The following ABHD16A variants were observed in gnomAD, a reference collection of about 807,000 sequenced individuals.
ABHD16A encodes the protein abhydrolase domain containing 16A, phospholipase.
Under a neutral mutation model 89.8 loss-of-function variants are expected in ABHD16A, and 47 were observed. The observed-to-expected ratio is 0.52, with a 90% CI of 0.41 to 0.67. ABHD16A has a LOEUF of 0.67. ABHD16A is among the 30% of genes least tolerant of loss of function. ABHD16A has a pLI of 0.00. For synonymous variants in ABHD16A, 251 were observed against 280.4 expected (o/e 0.90, Z 1.05); for missense variants, 580 against 734.6 (o/e 0.79, Z 2.43).
intron 2 of ABHD16A, 117 bp downstream of exon 2, chr6:31,701,957 G>A (rs1371329264): frequency 1.8e-6 from 2 of 1,109,048 alleles, no homozygotes; most frequent in Non-Finnish European, 2.7e-6. Flanking sequence ...GTCTGCTGCA[G>A]AGCCCAGGGC....
In ABHD16A at chr6:31,697,008, C is replaced by G; in HGVS notation, c.369G>C (p.Gln123His). 1 of 1,613,048 alleles carries G rather than the reference C, an allele frequency of 6.2e-7. No homozygotes were observed. The highest frequency in any genetic ancestry group is 1.1e-5 in the South Asian group (1 of 91,084). The change falls in exon 5 of 20, where the codon CAG (glutamine) becomes CAC (histidine). Residue 123 changes from glutamine (Q) to histidine (H), a missense_variant. This residue lies in a region of ABHD16A where 165 missense variants were observed against 165.8 expected (regional missense o/e 1.00). Transcript: ENST00000395952. ...CCAAGATGGTGATGAACTGCCGGTA[C>G]TGGGGGTTGGTCCAGCGGCCAATGC... Reference protein sequence around the residue: ...LRGIGRWTNPQYRQFITILEA... With the variant: ...LRGIGRWTNPHYRQFITILEA...
chr6:31,694,467 T>A (rs1251374905), intron 5 of ABHD16A, among the ~76,000 whole-genome samples: 1 of 141,712 alleles, frequency 7.1e-6, no homozygotes, highest in Non-Finnish European at 1.5e-5. Flanking sequence ...CTCGGATCAC[T>A]GCAAGCTCTG....
chr6:31,687,802 G>A lies in ABHD16A; in HGVS notation c.1447+22C>T. 1 of 1,612,940 alleles carries A rather than the reference G, an allele frequency of 6.2e-7. No homozygotes were observed. The highest frequency in any genetic ancestry group is 8.5e-7 in the Non-Finnish European group (1 of 1,179,978). On this transcript the variant is annotated intron_variant, in intron 17 of 19. Coordinates refer to ENST00000395952, the MANE Select transcript of ABHD16A (RefSeq NM_021160.3). The surrounding 1 kb of genome is among the most constrained non-coding windows in gnomAD (Gnocchi z 6.3). ...TGACCTTGCTGGGCCCCCGCCCCAAGCCTCACTGGATCCCTTCTCACCTTC... is the reference window on the plus strand; with the variant it reads ...TGACCTTGCTGGGCCCCCGCCCCAAACCTCACTGGATCCCTTCTCACCTTC...
chr6:31,696,726 G>A (rs565119530), intron 5 of ABHD16A, among the ~76,000 whole-genome samples: 1 of 152,296 alleles, frequency 6.6e-6, no homozygotes, highest in African/African-American at 2.4e-5. Flanking sequence ...GATTGTTCTA[G>A]CAGAATATTC....
chr6:31,691,753 T>TGGGGGTGGGG, intron 8 of ABHD16A, 51 bp downstream of exon 8: 1 of 357,828 alleles, frequency 2.8e-6, no homozygotes, highest in Admixed American at 6.3e-5. Context: ...GCGGGGTGGG[T>TGGGGGTGGGG]GGGGGTGAGA....
In ABHD16A at chr6:31,688,398, C is replaced by G; in HGVS notation, c.1251-93G>C. On this transcript the variant is annotated intron_variant, in intron 14 of 19. Transcript: ENST00000395952. The surrounding 1 kb of genome is among the most constrained non-coding windows in gnomAD (Gnocchi z 4.9). ...TCCCTGCACTGGTAGCATTCTTACC[C>G]TCCCCTTGCTATAGCACAGCCCTTG... is the stretch of plus-strand genomic sequence containing the variant. 3 of 1,299,508 alleles carry G rather than the reference C, an allele frequency of 2.3e-6. No homozygotes were observed. Among genetic ancestry groups the G allele is most frequent in the Non-Finnish European group, 3.3e-6 (3 of 901,302 alleles). The allele number at this position is 1,299,508 out of a possible 1,614,324, so 80.5% of individuals were successfully genotyped here.
intron 2 of ABHD16A, 149 bp from the exon 3 acceptor site, chr6:31,701,489 C>G: frequency 1.5e-6 from 1 of 671,918 alleles, no homozygotes; most frequent in South Asian, 2.0e-5. Context: ...ACAGTAGGTG[C>G]TCAGTATTTG....
At chr6:31,694,498 C>T (rs963869235) in intron 5 of ABHD16A, among the ~76,000 whole-genome samples, 1 of 149,864 alleles carries the variant, frequency 6.7e-6, no homozygotes, top group African/African-American at 2.5e-5. Flanking sequence ...TCACGCCATT[C>T]TCCCGCCTCA....
Position 31,688,028 on chromosome 6 carries a change from C to G in ABHD16A, c.1370+13G>C. ...GTACACTGCCCCCAGCGCGCACACA[C>G]CCTGGCTCTCACCGATGCTGCAGGA... is the stretch of plus-strand genomic sequence containing the variant. On this transcript the variant is annotated intron_variant, in intron 16 of 19. Transcript: ENST00000395952. This position sits in a 1 kb window ranked among gnomAD's most constrained non-coding sequence, Gnocchi z 4.9. The G allele has an allele frequency of 6.2e-7, 1 of 1,612,150 alleles. No homozygotes were observed. Among genetic ancestry groups the G allele is most frequent in the Non-Finnish European group, 8.5e-7 (1 of 1,179,212 alleles).
Position 31,690,930 on chromosome 6 carries a change from T to C in ABHD16A, c.844-328A>G, listed in dbSNP as rs1378619129. On this transcript the variant is annotated intron_variant, in intron 9 of 19. Transcript: ENST00000395952. The surrounding 1 kb of genome is among the most constrained non-coding windows in gnomAD (Gnocchi z 4.1). Reference sequence around the variant, plus strand: ...CGGGTCTGTTATCTTCTGTGACCATTGCTATTGTGTGGTATGCTGATTGCT... The same window carrying C: ...CGGGTCTGTTATCTTCTGTGACCATCGCTATTGTGTGGTATGCTGATTGCT... Among the ~76,000 whole-genome samples the C allele has an allele frequency of 6.6e-6, 1 of 152,168 alleles. No individual in the cohort carries two copies. Among genetic ancestry groups the C allele is most frequent in the African/African-American group, 2.4e-5 (1 of 41,438 alleles).
intron 4 of ABHD16A, 70 bp downstream of exon 4, chr6:31,700,872 C>A: frequency 7.4e-7 from 1 of 1,347,820 alleles, no homozygotes; most frequent in Non-Finnish European, 1.1e-6. Flanking sequence ...AATGTATTTG[C>A]ACAAGGTACT....
intron 4 of ABHD16A, 77 bp downstream of exon 4, chr6:31,700,865 G>A: frequency 7.9e-7 from 1 of 1,263,560 alleles, no homozygotes; most frequent in East Asian, 2.3e-5. Flanking sequence ...TCACTAAAAT[G>A]TATTTGCACA....
chr6:31,693,740 G>A lies in ABHD16A; in HGVS notation c.430-308C>T, dbSNP rs953643812. 6.6e-6 allele frequency among the ~76,000 whole-genome samples: 1 copy of A among 152,200 alleles called. No individual in the cohort carries two copies. The highest frequency in any genetic ancestry group is 1.5e-5 in the Non-Finnish European group (1 of 68,034). ...CCAGGAGGAGTGGCTGAAGGTGCTA[G>A]TGCTTTTGAGTGACGGGTAGTAGGG... On this transcript the variant is annotated intron_variant, in intron 5 of 19. Coordinates refer to ENST00000395952, the MANE Select transcript of ABHD16A (RefSeq NM_021160.3). This position sits in a 1 kb window ranked among gnomAD's most constrained non-coding sequence, Gnocchi z 5.0.
In ABHD16A at chr6:31,688,737, C is replaced by T. The variant is rs75509151; in HGVS notation, c.1236G>A (p.Ala412=). The T allele has an allele frequency of 0.011, 17,376 of 1,612,990 alleles. 135 individuals are homozygous for T. The highest frequency in any genetic ancestry group is 0.035 in the East Asian group (1,564 of 44,878). The change falls in exon 14 of 20, where the codon GCG becomes GCA. Residue 412 remains alanine, a synonymous_variant. Coordinates refer to ENST00000395952, the MANE Select transcript of ABHD16A (RefSeq NM_021160.3). This position sits in a 1 kb window ranked among gnomAD's most constrained non-coding sequence, Gnocchi z 4.9. ...CCGGCCCTCACCTGCACAGCTGCTC[C>T]GCGTTGTTTAGATTGAGATGCTGCC... The part of the protein sequence containing the change: ...TVRQHLNLNN[A]EQLCRYQGPV...
At chr6:31,697,153 G>C (rs1686737919) in intron 4 of ABHD16A, 120 bp from the exon 5 acceptor site, 2 of 860,396 alleles carry the variant, frequency 2.3e-6, no homozygotes, top group South Asian at 1.5e-5. Context: ...GAAAGAAAAA[G>C]GAACTGAGGG....
Position 31,690,899 on chromosome 6 carries a change from C to T in ABHD16A, c.844-297G>A, listed in dbSNP as rs768927119. Among the ~76,000 whole-genome samples the T allele has an allele frequency of 2.0e-5, 3 of 152,124 alleles. No homozygotes were observed. Among genetic ancestry groups the T allele is most frequent in the Non-Finnish European group, 4.4e-5 (3 of 68,030 alleles). ...GACTATGGAGATGTTTTTCCTTTCT[C>T]GTTTTCGGGTCTGTTATCTTCTGTG... On this transcript the variant is annotated intron_variant, in intron 9 of 19. Transcript: ENST00000395952. The surrounding 1 kb of genome is among the most constrained non-coding windows in gnomAD (Gnocchi z 4.1).
In ABHD16A at chr6:31,692,192, ACTGTC is replaced by A. The variant is rs1308513864; in HGVS notation, c.627-279_627-275del. 1.5e-5 allele frequency: 6 copies of A among 394,902 alleles called. No individual in the cohort carries two copies. The East Asian group carries it at 2.2e-4, about 15-fold the overall frequency. The allele number at this position is 394,902 out of a possible 1,614,324, so 24.5% of individuals were successfully genotyped here. A position where few individuals can be genotyped will look rare whatever the true frequency, so the allele number is the denominator to read the frequency against. Reference sequence around the variant, plus strand: ...AGAATTCTGAGAGTTTTATGATGTAACTGTCTATACATAATAAGTAAATGCAAAGT... The same window carrying A: ...AGAATTCTGAGAGTTTTATGATGTAATATACATAATAAGTAAATGCAAAGT... On this transcript the variant is annotated intron_variant, in intron 7 of 19. Transcript: ENST00000395952.
intron 12 of ABHD16A, 64 bp from the exon 13 acceptor site, chr6:31,689,183 G>T: frequency 2.1e-6 from 3 of 1,453,696 alleles, no homozygotes; most frequent in Non-Finnish European, 2.8e-6. Flanking sequence ...CACCACCCAT[G>T]CTCTCATCCC....
In ABHD16A at chr6:31,687,014, G is replaced by C. The variant is rs1469470408; in HGVS notation, c.*198C>G. On this transcript the variant is annotated 3_prime_UTR_variant, in exon 20 of 20. Transcript: ENST00000395952. This position sits in a 1 kb window ranked among gnomAD's most constrained non-coding sequence, Gnocchi z 6.3. ...AGGAATAATCCATTCATGTAATGCA[G>C]GATGTATGTTGGAGAAGGTTAAGTA... is the stretch of plus-strand genomic sequence containing the variant. The C allele has an allele frequency of 5.0e-6, 3 of 594,446 alleles. No homozygotes were observed. The Admixed American group carries it at 9.2e-5, about 18-fold the overall frequency. The allele number at this position is 594,446 out of a possible 1,614,324, so 36.8% of individuals were successfully genotyped here.
Sources: gnomAD v4.1 joint callset for allele counts (sites outside exome capture counted in the v4.1 genomes callset) on GRCh38, gnomAD v4.1.1 for gene constraint, gnomAD v4.1.1 regional missense constraint, Gnocchi (gnomAD v3.1) non-coding constraint, MANE v1.5 for transcripts, NCBI Gene and HGNC (gene_info 2026-07-23, HGNC 2026-07-21) for gene names.